Variants in CHCHD6 observed in about 807,000 individuals in gnomAD.
CHCHD6 encodes the protein MICOS complex subunit MIC25.
In CHCHD6, 28 loss-of-function variants were observed where a neutral mutation model predicts 32.3. The ratio of observed to expected loss-of-function variants is 0.87; its 90% CI spans 0.64 to 1.19. The LOEUF is 1.19. Among genes scored for constraint, CHCHD6 ranks in the 50% most tolerant of loss-of-function variants. The probability of loss-of-function intolerance (pLI) is 0.00; values close to 1 mark genes in which losing one functional copy is unlikely to be tolerated. For missense variants in CHCHD6, 333 were observed against 307.0 expected, an observed-to-expected ratio of 1.08 and a Z score of -0.63; for synonymous variants, 122 against 117.5, an observed-to-expected ratio of 1.04 and a Z score of -0.25.
chr3:126,835,214 G>T (rs978803923), intron 4 of CHCHD6, among the ~76,000 whole-genome samples: 1 of 152,136 alleles, frequency 6.6e-6, no homozygotes, highest in African/African-American at 2.4e-5. Context: ...CTATTCTCCA[G>T]TGTTGTCCTC....
At chr3:126,758,771 AGG>A (rs1285060937) in intron 4 of CHCHD6, among the ~76,000 whole-genome samples, 1 of 152,154 alleles carries the variant, frequency 6.6e-6, no homozygotes, top group Admixed American at 6.5e-5. Flanking sequence ...CACTTGTAGG[AGG>A]GATGGGTCTG....
chr3:126,854,592 A>G (rs1941592579), intron 5 of CHCHD6, among the ~76,000 whole-genome samples: 1 of 152,222 alleles, frequency 6.6e-6, no homozygotes, highest in African/African-American at 2.4e-5. Flanking sequence ...TGTTGCTTTT[A>G]TATGATTCCA....
At chr3:126,943,872 A>G (rs1364127540) in intron 6 of CHCHD6, among the ~76,000 whole-genome samples, 1 of 152,186 alleles carries the variant, frequency 6.6e-6, no homozygotes, top group Non-Finnish European at 1.5e-5. Context: ...CTTTTAGGTT[A>G]TGAGTGAGCT....
chr3:126,769,537 T>A (rs1341912832), intron 4 of CHCHD6, among the ~76,000 whole-genome samples: 1 of 152,230 alleles, frequency 6.6e-6, no homozygotes, highest in African/African-American at 2.4e-5. Flanking sequence ...GGAGTCTCAC[T>A]CTGTTGCCCA....
chr3:126,894,001 A>G (rs780523383), intron 5 of CHCHD6, among the ~76,000 whole-genome samples: 5 of 152,244 alleles, frequency 3.3e-5, no homozygotes, highest in African/African-American at 4.8e-5. Flanking sequence ...ACACACCTCC[A>G]GGGCTCTACC....
At chr3:126,883,310 G>C (rs1031048841) in intron 5 of CHCHD6, among the ~76,000 whole-genome samples, 5 of 152,200 alleles carry the variant, frequency 3.3e-5, no homozygotes, top group African/African-American at 1.2e-4. Context: ...TTGGTCAGAA[G>C]TTCCGGAGGT....
At chr3:126,908,708 G>C (rs1320537953) in intron 5 of CHCHD6, among the ~76,000 whole-genome samples, 1 of 152,214 alleles carries the variant, frequency 6.6e-6, no homozygotes, top group Non-Finnish European at 1.5e-5. Flanking sequence ...AGTATACTTG[G>C]TTGGTTTTTA....
intron 5 of CHCHD6, among the ~76,000 whole-genome samples, chr3:126,862,350 C>G (rs1458902122): frequency 2.1e-5 from 3 of 139,706 alleles, no homozygotes; most frequent in African/African-American, 5.5e-5. Flanking sequence ...CCTCCTCCCC[C>G]ACTATCACCA....
At chr3:126,903,083 T>G (rs1232532859) in intron 5 of CHCHD6, among the ~76,000 whole-genome samples, 2 of 152,192 alleles carry the variant, frequency 1.3e-5, no homozygotes, top group African/African-American at 4.8e-5. Context: ...TGAGGGGAAC[T>G]GGGGCCTGCT....
chr3:126,761,656 G>C (rs1937165586), intron 4 of CHCHD6, among the ~76,000 whole-genome samples: 1 of 151,874 alleles, frequency 6.6e-6, no homozygotes, highest in South Asian at 2.1e-4. Context: ...CAAACTATTG[G>C]CTTTAAGTGA....
intron 5 of CHCHD6, among the ~76,000 whole-genome samples, chr3:126,864,807 CTCCTCCTCCAGCATCATCTCCTCT>C: frequency 2.7e-5 from 4 of 149,462 alleles, no homozygotes; most frequent in African/African-American, 5.0e-5. Flanking sequence ...CCACCGTCAC[CTCCTCCTCCAGCATCATCTCCTCT>C]TCCTCCTCCA....
chr3:126,949,913 A>G (rs1335477040), intron 6 of CHCHD6: 1 of 153,924 alleles, frequency 6.5e-6, no homozygotes, highest in East Asian at 1.9e-4. Context: ...TGATGAGAAG[A>G]AAAGGCTGCA....
intron 4 of CHCHD6, among the ~76,000 whole-genome samples, chr3:126,801,286 G>T (rs1282296114): frequency 6.6e-6 from 1 of 152,244 alleles, no homozygotes; most frequent in Non-Finnish European, 1.5e-5. Context: ...AGCGCAAGGG[G>T]TCAGGGAGTT....
chr3:126,926,730 C>G (rs2078329344), intron 6 of CHCHD6, among the ~76,000 whole-genome samples: 1 of 152,050 alleles, frequency 6.6e-6, no homozygotes, highest in African/African-American at 2.4e-5. Context: ...CAGGCAGTGG[C>G]AAGTCATAAA....
At chr3:126,777,383 C>T (rs186023839) in intron 4 of CHCHD6, among the ~76,000 whole-genome samples, 5 of 152,214 alleles carry the variant, frequency 3.3e-5, no homozygotes, top group African/African-American at 1.2e-4. Flanking sequence ...CAGATCAGCC[C>T]CAGATCATTA....
In CHCHD6 at chr3:126,819,755, G is replaced by A. The variant is rs993535830; in HGVS notation, c.412-32892G>A. The stretch of plus-strand genomic sequence containing the variant: ...TTGCTTTTGATGGTATGCACACAGC[G>A]GGGATTGGACCTACAAGCCCTGGAG... On this transcript the variant is annotated intron_variant, in intron 4 of 7. Transcript: ENST00000290913. Among the ~76,000 whole-genome samples, 5 of 152,356 alleles carry A rather than the reference G, an allele frequency of 3.3e-5. 1 individual carries two copies. The highest frequency in any genetic ancestry group is 2.9e-5 in the Non-Finnish European group (2 of 68,032).
chr3:126,784,322 A>G (rs534092295), intron 4 of CHCHD6, among the ~76,000 whole-genome samples: 2 of 152,128 alleles, frequency 1.3e-5, no homozygotes, highest in African/African-American at 4.8e-5. Flanking sequence ...CTTTCCTTTC[A>G]ATGCATTCTG....
chr3:126,740,489 C>T (rs1197777082), intron 4 of CHCHD6, among the ~76,000 whole-genome samples: 2 of 152,192 alleles, frequency 1.3e-5, no homozygotes, highest in Non-Finnish European at 2.9e-5. Flanking sequence ...TTAGAGCACC[C>T]TTCACACCCC....
intron 4 of CHCHD6, among the ~76,000 whole-genome samples, chr3:126,799,538 G>A (rs572272854): frequency 1.8e-4 from 27 of 152,296 alleles, no homozygotes; most frequent in African/African-American, 6.5e-4. Context: ...CATCCAGGTG[G>A]TCTTTGTGTC....
Sources: allele counts gnomAD v4.1 joint callset (sites outside exome capture counted in the v4.1 genomes callset), GRCh38; gene constraint gnomAD v4.1.1; transcripts MANE v1.5; gene names NCBI Gene and HGNC (gene_info 2026-07-23, HGNC 2026-07-21).